The following RFTN1 variants were observed in gnomAD, a reference collection of about 807,000 sequenced individuals.
RFTN1 encodes raftlin.
In RFTN1, 26 loss-of-function variants were observed where a neutral mutation model predicts 46.5. That is an observed-to-expected ratio of 0.56 (90% CI 0.41 to 0.78). The LOEUF (loss-of-function observed/expected upper bound fraction) is 0.78, where lower values mean the gene tolerates loss of function less well. Among genes scored for constraint, RFTN1 ranks in the 30% least tolerant of loss-of-function variants. The probability of loss-of-function intolerance (pLI) is 0.00; values close to 1 mark genes in which losing one functional copy is unlikely to be tolerated. For missense variants in RFTN1, 693 were observed against 718.7 expected (o/e 0.96, Z 0.41); for synonymous variants, 261 against 284.2 (o/e 0.92, Z 0.82).
At position 16,321,868 on chromosome 3, in the gene RFTN1, C is replaced by T. The variant is rs1479802954; in HGVS notation, c.1332+1508G>A. On this transcript the variant is annotated intron_variant, in intron 9 of 9. Coordinates refer to ENST00000334133, the MANE Select transcript of RFTN1 (RefSeq NM_015150.2). The surrounding 1 kb of genome is among the most constrained non-coding windows in gnomAD (Gnocchi z 4.8). ...AAATCTATCTCTAAAGTCTCCCTGC[C>T]GACTCAAGTTTCCACTGACTTGTCC... Among the ~76,000 whole-genome samples, 1 of 152,158 alleles carries T rather than the reference C, an allele frequency of 6.6e-6. No homozygotes were observed. Among genetic ancestry groups the T allele is most frequent in the Non-Finnish European group, 1.5e-5 (1 of 68,016 alleles).
Position 16,483,233 on chromosome 3 carries a change from C to T in RFTN1, c.145+10492G>A, listed in dbSNP as rs1011517701. On this transcript the variant is annotated intron_variant, in intron 2 of 9. Coordinates refer to ENST00000334133, the MANE Select transcript of RFTN1 (RefSeq NM_015150.2). The surrounding 1 kb of genome is among the most constrained non-coding windows in gnomAD (Gnocchi z 4.8). The stretch of plus-strand genomic sequence containing the variant: ...TACTTGAGGCTCTATCTAAAGGAAC[C>T]CCATGGTGAAACCCACTTTAAACCA... Among the ~76,000 whole-genome samples, 4 of 152,132 alleles carry T rather than the reference C, an allele frequency of 2.6e-5. No homozygotes were observed. Among genetic ancestry groups the T allele is most frequent in the Admixed American group, 2.6e-4 (4 of 15,270 alleles).
intron 4 of RFTN1, among the ~76,000 whole-genome samples, chr3:16,396,667 G>A (rs925052657): frequency 6.6e-6 from 1 of 152,122 alleles, no homozygotes; most frequent in African/African-American, 2.4e-5. Context: ...TTTGGGACAG[G>A]AAGATTTGTT....
chr3:16,434,349 C>G (rs2075455219), intron 2 of RFTN1, among the ~76,000 whole-genome samples: 1 of 146,752 alleles, frequency 6.8e-6, no homozygotes, highest in Non-Finnish European at 1.5e-5. Context: ...CATAGTAAAA[C>G]TCGGTCTCTC....
rs1233402897 is a variant in RFTN1, at chr3:16,428,556, C to A, written c.332+5295G>T. ...TCCTCTGTGTGCCCCCACCCTAATC[C>A]TAGGCCAAAAGGTGCCTGATAAATG... On this transcript the variant is annotated intron_variant, in intron 3 of 9. Transcript: ENST00000334133. The surrounding 1 kb of genome is among the most constrained non-coding windows in gnomAD (Gnocchi z 4.7). Among the ~76,000 whole-genome samples, 2 of 152,196 alleles carry A rather than the reference C, an allele frequency of 1.3e-5. No individual in the cohort carries two copies. Among genetic ancestry groups the A allele is most frequent in the Admixed American group, 1.3e-4 (2 of 15,280 alleles).
intron 3 of RFTN1, chr3:16,416,049 C>A: frequency 4.6e-6 from 1 of 219,498 alleles, no homozygotes; most frequent in Non-Finnish European, 9.5e-6. Flanking sequence ...TCAGAAACAG[C>A]CTGGGGAAAA....
chr3:16,348,141 G>A lies in RFTN1; in HGVS notation c.1146+9791C>T, dbSNP rs1315231345. ...CCACCTCGGAGCACTTGTGGCTCTT[G>A]TTGCTTAAAGCAGGGCAGGCTCCTG... On this transcript the variant is annotated intron_variant, in intron 7 of 9. Transcript: ENST00000334133. The surrounding 1 kb of genome is among the most constrained non-coding windows in gnomAD (Gnocchi z 6.3). 2 of 152,126 alleles carry A rather than the reference G, an allele frequency of 1.3e-5. No homozygotes were observed. Among genetic ancestry groups the A allele is most frequent in the Non-Finnish European group, 2.9e-5 (2 of 68,030 alleles). 9.4% of individuals were successfully genotyped at this position (152,126 alleles called of 1,614,324 possible). A position where few individuals can be genotyped will look rare whatever the true frequency, so the allele number is the denominator to read the frequency against.
intron 4 of RFTN1, among the ~76,000 whole-genome samples, chr3:16,397,951 T>C (rs971289948): frequency 6.6e-6 from 1 of 152,086 alleles, no homozygotes; most frequent in Non-Finnish European, 1.5e-5. Context: ...TTGACTCTTT[T>C]AAGAAGCATC....
At chr3:16,404,047 A>G (rs1338202796) in intron 4 of RFTN1, among the ~76,000 whole-genome samples, 2 of 6,798 alleles carry the variant, frequency 2.9e-4, no homozygotes, top group Non-Finnish European at 5.0e-4. Flanking sequence ...TATATATTTT[A>G]TATATATATT....
chr3:16,420,829 G>A (rs2075169608), intron 3 of RFTN1, among the ~76,000 whole-genome samples: 2 of 152,350 alleles, frequency 1.3e-5, no homozygotes, highest in East Asian at 1.9e-4. Flanking sequence ...AAACTTTAAT[G>A]TATGTGCAAA....
Position 16,499,878 on chromosome 3 carries a change from T to C in RFTN1, c.-8-6001A>G, listed in dbSNP as rs1164140933. ...ATATGGACATAAGTTTTCACTTCTC[T>C]AGGGTAAATACCTAAGAGTGGGGTT... On this transcript the variant is annotated intron_variant, in intron 1 of 9. Transcript: ENST00000334133. This position sits in a 1 kb window ranked among gnomAD's most constrained non-coding sequence, Gnocchi z 4.9. Among the ~76,000 whole-genome samples, 4 of 152,232 alleles carry C rather than the reference T, an allele frequency of 2.6e-5. No individual in the cohort carries two copies. Among genetic ancestry groups the C allele is most frequent in the African/African-American group, 9.6e-5 (4 of 41,456 alleles).
At chr3:16,377,651 G>A in intron 5 of RFTN1, 67 bp downstream of exon 5, 3 of 1,516,290 alleles carry the variant, frequency 2.0e-6, no homozygotes, top group Non-Finnish European at 2.7e-6. Flanking sequence ...GAGATACCAT[G>A]GGGATTAATG....
intron 7 of RFTN1, among the ~76,000 whole-genome samples, chr3:16,355,315 T>C (rs1029771967): frequency 6.6e-6 from 1 of 152,280 alleles, no homozygotes; most frequent in Non-Finnish European, 1.5e-5. Flanking sequence ...TATAACAATG[T>C]ACCACAGGCT....
chr3:16,451,567 G>A lies in RFTN1; in HGVS notation c.146-17530C>T, dbSNP rs2075823765. Among the ~76,000 whole-genome samples, 1 of 152,194 alleles carries A rather than the reference G, an allele frequency of 6.6e-6. No individual in the cohort carries two copies. Among genetic ancestry groups the A allele is most frequent in the Non-Finnish European group, 1.5e-5 (1 of 68,032 alleles). ...CCTCTTCTCCACAGGGGATATGCCT[G>A]AAACCACAGATAGTAAAGAACCCAA... On this transcript the variant is annotated intron_variant, in intron 2 of 9. Transcript: ENST00000334133. The surrounding 1 kb of genome is among the most constrained non-coding windows in gnomAD (Gnocchi z 4.2).
At position 16,443,356 on chromosome 3, in the gene RFTN1, T is replaced by C. The variant is rs1575300410; in HGVS notation, c.146-9319A>G. ...TAATAAGCATTCTTTCATATATGTG[T>C]GGGCCACTTTTATATCTCCTTGGGA... On this transcript the variant is annotated intron_variant, in intron 2 of 9. Coordinates refer to ENST00000334133, the MANE Select transcript of RFTN1 (RefSeq NM_015150.2). This position sits in a 1 kb window ranked among gnomAD's most constrained non-coding sequence, Gnocchi z 5.5. 1.3e-5 allele frequency among the ~76,000 whole-genome samples: 2 copies of C among 152,214 alleles called. No homozygotes were observed. The highest frequency in any genetic ancestry group is 2.9e-5 in the Non-Finnish European group (2 of 68,034).
Position 16,466,658 on chromosome 3 carries a change from A to C in RFTN1, c.145+27067T>G, listed in dbSNP as rs890310072. On this transcript the variant is annotated intron_variant, in intron 2 of 9. Coordinates refer to ENST00000334133, the MANE Select transcript of RFTN1 (RefSeq NM_015150.2). The surrounding 1 kb of genome is among the most constrained non-coding windows in gnomAD (Gnocchi z 5.6). ...TTCTTTACAGGCAGAAGTTTCTTCC[A>C]ACCTGTTACCTGCGAATTTCAAAAT... is the stretch of plus-strand genomic sequence containing the variant. 3.6e-4 allele frequency among the ~76,000 whole-genome samples: 55 copies of C among 152,224 alleles called. No individual in the cohort carries two copies. Among genetic ancestry groups the C allele is most frequent in the African/African-American group, 1.3e-3 (55 of 41,460 alleles).
At chr3:16,358,307 TG>T (rs1559856024) in intron 6 of RFTN1, among the ~76,000 whole-genome samples, 1 of 152,242 alleles carries the variant, frequency 6.6e-6, no homozygotes, top group Non-Finnish European at 1.5e-5. Context: ...AATCACCATT[TG>T]ATTTCACACG....
At chr3:16,508,189 C>A (rs1451443398) in intron 1 of RFTN1, among the ~76,000 whole-genome samples, 1 of 152,158 alleles carries the variant, frequency 6.6e-6, no homozygotes, top group Non-Finnish European at 1.5e-5. Flanking sequence ...TACTGTACAC[C>A]CCAGCAGAGG....
Position 16,499,472 on chromosome 3 carries a change from C to A in RFTN1, c.-8-5595G>T, listed in dbSNP as rs537094908. ...GGCCCATGTGGAGAGGAACCGACAGCCAGGACCAACTTGCTGGCCATCTTG... is the reference window on the plus strand; with the variant it reads ...GGCCCATGTGGAGAGGAACCGACAGACAGGACCAACTTGCTGGCCATCTTG... On this transcript the variant is annotated intron_variant, in intron 1 of 9. Transcript: ENST00000334133. The surrounding 1 kb of genome is among the most constrained non-coding windows in gnomAD (Gnocchi z 4.9). 6.6e-6 allele frequency among the ~76,000 whole-genome samples: 1 copy of A among 152,320 alleles called. No individual in the cohort carries two copies. Among genetic ancestry groups the A allele is most frequent in the East Asian group, 1.9e-4 (1 of 5,186 alleles).
chr3:16,335,035 G>T lies in RFTN1; in HGVS notation c.1147-8159C>A, dbSNP rs1477052751. ...ATTGTCTCCTAAAAGTCTCCACAAA[G>T]AATGTGGTCCTGTCAACACCTTGGT... On this transcript the variant is annotated intron_variant, in intron 7 of 9. Coordinates refer to ENST00000334133, the MANE Select transcript of RFTN1 (RefSeq NM_015150.2). This position sits in a 1 kb window ranked among gnomAD's most constrained non-coding sequence, Gnocchi z 4.7. Among the ~76,000 whole-genome samples the T allele has an allele frequency of 6.6e-6, 1 of 152,220 alleles. No homozygotes were observed. Among genetic ancestry groups the T allele is most frequent in the East Asian group, 1.9e-4 (1 of 5,200 alleles).
Sources: allele counts gnomAD v4.1 joint callset (sites outside exome capture counted in the v4.1 genomes callset), GRCh38; gene constraint gnomAD v4.1.1; non-coding constraint Gnocchi (gnomAD v3.1); transcripts MANE v1.5; gene names NCBI Gene and HGNC (gene_info 2026-07-23, HGNC 2026-07-21).